The following CTDP1 variants were observed in gnomAD, a reference collection of about 807,000 sequenced individuals.
CTDP1 encodes CTD phosphatase 1.
A neutral mutation model predicts 91.8 loss-of-function variants in CTDP1; 47 were observed. That is an observed-to-expected ratio of 0.51 (90% confidence interval 0.41 to 0.65). The LOEUF is 0.65. Among genes scored for constraint, CTDP1 ranks in the 30% least tolerant of loss-of-function variants. CTDP1 has a pLI of 0.00. For missense variants in CTDP1, 1,272 were observed against 1,373.7 expected (o/e 0.93, Z 1.17); for synonymous variants, 656 against 598.5 (o/e 1.10, Z -1.40).
intron 5 of CTDP1, among the ~76,000 whole-genome samples, chr18:79,705,824 T>C (rs1008404456): frequency 4.6e-5 from 7 of 152,234 alleles, no homozygotes; most frequent in Non-Finnish European, 1.0e-4. Flanking sequence ...TTAGTGCCTT[T>C]ATAGGAAATT....
At chr18:79,679,674 G>A, upstream of CTDP1, 2 of 527,584 alleles carry the variant, frequency 3.8e-6, no homozygotes, top group South Asian at 3.2e-5. Flanking sequence ...CAGGAACGCA[G>A]TTCTTCACGG....
intron 11 of CTDP1, among the ~76,000 whole-genome samples, chr18:79,729,723 G>A (rs1262606283): frequency 6.6e-6 from 1 of 152,228 alleles, no homozygotes; most frequent in Non-Finnish European, 1.5e-5. Context: ...CAGTCCGGAT[G>A]TTAGGGATGG....
In CTDP1 at chr18:79,715,442, C is replaced by T. The variant is rs374004081; in HGVS notation, c.1982C>T (p.Thr661Met). Reference sequence around the variant, plus strand: ...AAGACGCGGGAGCATTACCACGCCACGGCGCTGGGAGCGAAGATCCTCACT... The same window carrying T: ...AAGACGCGGGAGCATTACCACGCCATGGCGCTGGGAGCGAAGATCCTCACT... ...IEKTREHYHA[T>M]ALGAKILTRL... Residue 661 changes from threonine (T) to methionine (M), a missense_variant, in exon 8 of 13, where the codon ACG becomes ATG. Physicochemically the swap from Thr to Met is moderately conservative, Grantham distance 81 (BLOSUM62 -1). Transcript: ENST00000613122. 8.8e-6 allele frequency: 14 copies of T among 1,593,348 alleles called. No homozygotes were observed. Among genetic ancestry groups the T allele is most frequent in the Admixed American group, 7.0e-5 (4 of 57,294 alleles).
rs763149665 is a variant in CTDP1 at position 79,715,264 on chromosome 18, A to G, written c.1804A>G (p.Thr602Ala). The G allele has an allele frequency of 2.5e-5, 40 of 1,610,678 alleles. No homozygotes were observed. Among genetic ancestry groups the G allele is most frequent in the Non-Finnish European group, 3.3e-5 (39 of 1,178,566 alleles). ...YLEEILVRVH[T>A]DYYAKYDRYL... ...GGAGGAGATCCTGGTCCGTGTACAC[A>G]CTGACTACTATGCCAAGTATGACCG... is the stretch of plus-strand genomic sequence containing the variant. Residue 602 changes from threonine to alanine, a missense_variant, in exon 8 of 13, where the codon ACT becomes GCT. Coordinates refer to ENST00000613122, the MANE Select transcript of CTDP1 (RefSeq NM_004715.5).
chr18:79,740,718 T>C (rs1307739547), intron 12 of CTDP1, among the ~76,000 whole-genome samples: 2 of 152,184 alleles, frequency 1.3e-5, no homozygotes, highest in Non-Finnish European at 2.9e-5. Flanking sequence ...AGTTTTAACA[T>C]AAGGGGGAAG....
intron 1 of CTDP1, among the ~76,000 whole-genome samples, chr18:79,683,536 C>T (rs974744707): frequency 6.6e-6 from 1 of 152,188 alleles, no homozygotes; most frequent in South Asian, 2.1e-4. Flanking sequence ...AATGGAACCC[C>T]GTGGCTCTTG....
intron 12 of CTDP1, among the ~76,000 whole-genome samples, chr18:79,739,801 C>T (rs1020698569): frequency 5.3e-5 from 8 of 150,328 alleles, no homozygotes; most frequent in South Asian, 2.1e-4. Context: ...CTCATACCCA[C>T]GGCCGGGACG....
chr18:79,708,187 C>T (rs759944926), intron 5 of CTDP1, among the ~76,000 whole-genome samples: 1 of 152,218 alleles, frequency 6.6e-6, no homozygotes, highest in Non-Finnish European at 1.5e-5. Flanking sequence ...GCAGGTTCAT[C>T]TTCCCAGAAG....
rs538409036 is a variant in CTDP1, at chr18:79,730,395, C to T, written c.2580+1326C>T. 5.9e-5 allele frequency among the ~76,000 whole-genome samples: 9 copies of T among 152,200 alleles called. No individual in the cohort carries two copies. The South Asian group carries it at 1.2e-3, about 21-fold the overall frequency. On this transcript the variant is annotated intron_variant, in intron 11 of 12. Coordinates refer to ENST00000613122, the MANE Select transcript of CTDP1 (RefSeq NM_004715.5). ...CCCGTCTCCCTCCTGGTTTCCTGGT[C>T]GGGCGTGGAGGACTCGGGGTCTGTT...
intron 11 of CTDP1, chr18:79,736,137 C>T (rs893835503): frequency 2.3e-5 from 14 of 615,362 alleles, no homozygotes; most frequent in African/African-American, 3.7e-5. Context: ...GCCTGCGAAC[C>T]GACTGGGTTT....
Position 79,680,103 on chromosome 18 carries a change from C to G in CTDP1, c.156C>G (p.Phe52Leu), listed in dbSNP as rs761704784. Residue 52 changes from phenylalanine to leucine, a missense_variant, in exon 1 of 13, where the codon TTC becomes TTG. Physicochemically the swap from Phe to Leu is conservative, Grantham distance 22. This residue lies in a region of CTDP1 where 214 missense variants were observed against 179.1 expected (regional missense o/e 1.19). Coordinates refer to ENST00000613122, the MANE Select transcript of CTDP1 (RefSeq NM_004715.5). ...AVRIGSVLAVFEAAASAQSSG... is the reference protein window; with the variant it reads ...AVRIGSVLAVLEAAASAQSSG... ...GCATCGGCTCGGTGCTGGCCGTGTT[C>G]GAGGCCGCCGCCTCCGCGCAGTCCT... 7.1e-6 allele frequency: 10 copies of G among 1,413,772 alleles called. No homozygotes were observed. The highest frequency in any genetic ancestry group is 8.3e-6 in the Non-Finnish European group (9 of 1,083,826). 87.6% of individuals were successfully genotyped at this position (1,413,772 alleles called of 1,614,324 possible).
intron 12 of CTDP1, among the ~76,000 whole-genome samples, chr18:79,744,916 A>T (rs957913218): frequency 5.9e-5 from 9 of 152,220 alleles, no homozygotes; most frequent in African/African-American, 2.2e-4. Context: ...GAGGACGCAC[A>T]TCGTGCTTCA....
At chr18:79,740,749 A>G (rs954144964) in intron 12 of CTDP1, among the ~76,000 whole-genome samples, 1 of 152,208 alleles carries the variant, frequency 6.6e-6, no homozygotes, top group Non-Finnish European at 1.5e-5. Context: ...TTACTTGTCT[A>G]CCAAGAGTGA....
At chr18:79,679,368 C>A (rs1476742795), upstream of CTDP1, 1 of 453,536 alleles carries the variant, frequency 2.2e-6, no homozygotes, top group South Asian at 1.6e-5. Flanking sequence ...TGCCGGGACC[C>A]GTAGTCCCGC....
At chr18:79,728,834 G>T in intron 10 of CTDP1, 73 bp from the exon 11 acceptor site, 1 of 1,482,538 alleles carries the variant, frequency 6.7e-7, no homozygotes, top group South Asian at 1.1e-5. Context: ...CGAGAGCCAG[G>T]AGTCTGATTC....
chr18:79,680,254 G>A lies in CTDP1; in HGVS notation c.307G>A (p.Ala103Thr). The A allele has an allele frequency of 7.7e-7, 1 of 1,290,370 alleles. No homozygotes were observed. The highest frequency in any genetic ancestry group is 9.8e-7 in the Non-Finnish European group (1 of 1,022,788). 79.9% of individuals were successfully genotyped at this position (1,290,370 alleles called of 1,614,324 possible). ...GTGCGCGCAGCCGGGCCAGGTGGTC[G>A]CCCCAGGGTGAGTGTGCTGAGCCGG... Reference protein sequence around the residue: ...ELCAQPGQVVAPGAVLVRLEG... With the variant: ...ELCAQPGQVVTPGAVLVRLEG... The change falls in exon 1 of 13, where the codon GCC becomes ACC. Residue 103 changes from alanine to threonine, a missense_variant. Physicochemically the swap from Ala to Thr is moderately conservative, Grantham distance 58 (BLOSUM62 0). Transcript: ENST00000613122.
intron 1 of CTDP1, among the ~76,000 whole-genome samples, chr18:79,685,049 G>C (rs1163697088): frequency 4.0e-5 from 6 of 150,812 alleles, no homozygotes; most frequent in African/African-American, 1.2e-4. Flanking sequence ...GTTTCTCTGC[G>C]GTGCTCCTTA....
chr18:79,727,855 C>T (rs975628848), intron 10 of CTDP1, among the ~76,000 whole-genome samples: 31 of 152,050 alleles, frequency 2.0e-4, no homozygotes, highest in African/African-American at 6.5e-4. Context: ...TCAGGAGGGC[C>T]GCACCACCCC....
At chr18:79,695,188 G>T in intron 1 of CTDP1, 37 bp from the exon 2 acceptor site, 1 of 1,595,242 alleles carries the variant, frequency 6.3e-7, no homozygotes, top group Non-Finnish European at 8.6e-7. Flanking sequence ...TAAACCAAGA[G>T]ATTTTAAAGT....
Sources: allele counts gnomAD v4.1 joint callset (sites outside exome capture counted in the v4.1 genomes callset), GRCh38; gene constraint gnomAD v4.1.1; regional missense constraint gnomAD v4.1.1; transcripts MANE v1.5; gene names NCBI Gene and HGNC (gene_info 2026-07-23, HGNC 2026-07-21).